The following CALR variants were observed in gnomAD, a reference collection of about 807,000 sequenced individuals.
CALR encodes CRP55.
Under a neutral mutation model 51.1 loss-of-function variants are expected in CALR, and 15 were observed. The observed-to-expected ratio is 0.29, with a 90% CI of 0.20 to 0.45. CALR has a LOEUF of 0.45. Among genes scored for constraint, CALR ranks in the 20% least tolerant of loss-of-function variants. CALR has a pLI of 1.00. For missense variants in CALR, 477 were observed against 530.6 expected (o/e 0.90, Z 0.99); for synonymous variants, 239 against 205.9 (o/e 1.16, Z -1.38).
Position 12,938,640 on chromosome 19 carries a change from G to T in CALR, c.-40G>T. 6.5e-7 allele frequency: 1 copy of T among 1,529,708 alleles called. No individual in the cohort carries two copies. Among genetic ancestry groups the T allele is most frequent in the Non-Finnish European group, 8.9e-7 (1 of 1,117,576 alleles). 94.8% of individuals were successfully genotyped at this position (1,529,708 alleles called of 1,614,324 possible). A position where few individuals can be genotyped will look rare whatever the true frequency, so the allele number is the denominator to read the frequency against. On this transcript the variant is annotated 5_prime_UTR_variant, in exon 1 of 9. Coordinates refer to ENST00000316448, the MANE Select transcript of CALR (RefSeq NM_004343.4). ...ACTGCAGAGCCGCTGCCGGAGGGTCGTTTTAAAGGGCCCGCGCGTTGCCGC... is the reference window on the plus strand; with the variant it reads ...ACTGCAGAGCCGCTGCCGGAGGGTCTTTTTAAAGGGCCCGCGCGTTGCCGC...
In CALR at chr19:12,939,394, G is replaced by A. The variant is rs781043883; in HGVS notation, c.194-34G>A. The A allele has an allele frequency of 5.6e-6, 9 of 1,606,532 alleles. 1 individual carries two copies. The South Asian group carries it at 9.9e-5, about 18-fold the overall frequency. On this transcript the variant is annotated intron_variant, in intron 2 of 8. Transcript: ENST00000316448. ...AAGTCGAGGGTCCTCGCGAGTCAAGGCCCAACGGTGACCTCACTACCGTCC... is the reference window on the plus strand; with the variant it reads ...AAGTCGAGGGTCCTCGCGAGTCAAGACCCAACGGTGACCTCACTACCGTCC...
At chr19:12,939,260 A>T in intron 2 of CALR, 25 bp downstream of exon 2, 1 of 1,532,434 alleles carries the variant, frequency 6.5e-7, no homozygotes. Flanking sequence ...GTGGGTGCTC[A>T]GATCCGGGAG....
At chr19:12,941,024 C>A in intron 7 of CALR, 137 bp downstream of exon 7, 2 of 831,878 alleles carry the variant, frequency 2.4e-6, no homozygotes, top group Non-Finnish European at 2.1e-6. Flanking sequence ...ACTTCCTGGT[C>A]TGTCCCTGTG....
chr19:12,939,704 T>A, intron 3 of CALR, 73 bp downstream of exon 3: 1 of 1,328,422 alleles, frequency 7.5e-7, no homozygotes, highest in Non-Finnish European at 1.1e-6. Flanking sequence ...TTGACTTTCT[T>A]AATAATGATT....
At chr19:12,943,286 G>T (rs1053682405) in intron 7 of CALR, 3 of 499,360 alleles carry the variant, frequency 6.0e-6, no homozygotes, top group Non-Finnish European at 7.3e-6. Context: ...GGGTTTCACC[G>T]TGTTAGCCAG....
At position 12,943,850 on chromosome 19, in the gene CALR, T is replaced by C. The variant is rs1037708390; in HGVS notation, c.1191T>C (p.Asp397=). The part of the protein sequence containing the change: ...DDEDKDEDEE[D]EEDKEEDEEE... ...AGGACAAAGATGAGGATGAGGAGGA[T>C]GAGGAGGACAAGGAGGAAGATGAGG... is the stretch of plus-strand genomic sequence containing the variant. Residue 397 remains aspartate, a synonymous_variant, in exon 9 of 9, where the codon GAT becomes GAC. Transcript: ENST00000316448. 39 of 1,580,406 alleles carry C rather than the reference T, an allele frequency of 2.5e-5. No homozygotes were observed. The African/African-American group carries it at 5.0e-4, about 20-fold the overall frequency.
At position 12,944,096 on chromosome 19, in the gene CALR, T is replaced by C. The variant is rs1971593059; in HGVS notation, c.*183T>C. On this transcript the variant is annotated 3_prime_UTR_variant, in exon 9 of 9. Coordinates refer to ENST00000316448, the MANE Select transcript of CALR (RefSeq NM_004343.4). ...CCCCACCCCCTCCCCGCCCTTTTTT[T>C]TTTTTTTTTTTAAACTGGTATTTTA... 2 of 944,806 alleles carry C rather than the reference T, an allele frequency of 2.1e-6. No individual in the cohort carries two copies. Among genetic ancestry groups the C allele is most frequent in the East Asian group, 5.3e-5 (2 of 37,800 alleles). 58.5% of individuals were successfully genotyped at this position (944,806 alleles called of 1,614,324 possible).
intron 3 of CALR, 27 bp downstream of exon 3, chr19:12,939,658 C>T: frequency 1.9e-6 from 3 of 1,587,790 alleles, no homozygotes; most frequent in Non-Finnish European, 2.6e-6. Context: ...TGGTGCTGAT[C>T]TCTGTCCCAT....
At position 12,944,116 on chromosome 19, in the gene CALR, AT is replaced by A; in HGVS notation, c.*207del. On this transcript the variant is annotated 3_prime_UTR_variant, in exon 9 of 9. Transcript: ENST00000316448. ...TTTTTTTTTTTTTTTTTAAACTGGT[AT>A]TTTATCTTTGATTCTCCTTCAGCCC... 3.4e-6 allele frequency: 2 copies of A among 589,738 alleles called. No homozygotes were observed. Among genetic ancestry groups the A allele is most frequent in the Non-Finnish European group, 5.0e-6 (2 of 399,230 alleles). 36.5% of individuals were successfully genotyped at this position (589,738 alleles called of 1,614,324 possible). A position where few individuals can be genotyped will look rare whatever the true frequency, so the allele number is the denominator to read the frequency against.
chr19:12,940,275 T>G lies in CALR; in HGVS notation c.525T>G (p.Ile175Met), dbSNP rs755463862. 1 of 1,614,190 alleles carries G rather than the reference T, an allele frequency of 6.2e-7. No individual in the cohort carries two copies. Among genetic ancestry groups the G allele is most frequent in the Non-Finnish European group, 8.5e-7 (1 of 1,180,040 alleles). Residue 175 changes from isoleucine (I) to methionine (M), a missense_variant, in exon 5 of 9, where the codon ATT becomes ATG. Physicochemically the swap from Ile to Met is conservative, Grantham distance 10. Transcript: ENST00000316448. ...AGTTTACACACCTGTACACACTGAT[T>G]GTGCGGCCAGACAACACCTATGAGG... ...DDEFTHLYTL[I>M]VRPDNTYEVK...
chr19:12,943,306 G>A (rs188191846), intron 7 of CALR: 30 of 553,598 alleles, frequency 5.4e-5, no homozygotes, highest in East Asian at 5.0e-4. Flanking sequence ...GGGTGGTCTC[G>A]ATCTCCTGAC....
intron 7 of CALR, among the ~76,000 whole-genome samples, chr19:12,942,748 C>T (rs1050155095): frequency 6.6e-6 from 1 of 151,422 alleles, no homozygotes; most frequent in Non-Finnish European, 1.5e-5. Context: ...GCATGCGCCA[C>T]GACGCTGGGC....
Position 12,939,500 on chromosome 19 carries a change from A to G in CALR, c.266A>G (p.Gln89Arg), listed in dbSNP as rs1193873308. The change falls in exon 3 of 9, where the codon CAG (glutamine) becomes CGG (arginine). Residue 89 changes from glutamine to arginine, a missense_variant. Physicochemically the swap from Gln to Arg is conservative, Grantham distance 43. Transcript: ENST00000316448. ...TTCGAGCCTTTCAGCAACAAAGGCC[A>G]GACGCTGGTGGTGCAGTTCACGGTG... ...ASFEPFSNKG[Q>R]TLVVQFTVKH... 1.9e-6 allele frequency: 3 copies of G among 1,613,256 alleles called. No homozygotes were observed. Among genetic ancestry groups the G allele is most frequent in the Non-Finnish European group, 1.7e-6 (2 of 1,180,034 alleles).
rs1350005255 is a variant in CALR at position 12,943,554 on chromosome 19, C to T, written c.978C>T (p.Ile326=). 1 of 1,614,140 alleles carries T rather than the reference C, an allele frequency of 6.2e-7. No individual in the cohort carries two copies. Among genetic ancestry groups the T allele is most frequent in the Admixed American group, 1.7e-5 (1 of 60,020 alleles). ...LDLWQVKSGT[I]FDNFLITNDE... ...TCCTCCAGGTCAAGTCTGGCACCAT[C>T]TTTGACAACTTCCTCATCACCAACG... The change falls in exon 8 of 9, where the codon ATC becomes ATT. Residue 326 remains isoleucine (I), a synonymous_variant. Coordinates refer to ENST00000316448, the MANE Select transcript of CALR (RefSeq NM_004343.4).
At chr19:12,942,720 G>A (rs946291840) in intron 7 of CALR, among the ~76,000 whole-genome samples, 20 of 149,992 alleles carry the variant, frequency 1.3e-4, no homozygotes, top group Non-Finnish European at 2.5e-4. Context: ...TCATCCTCTC[G>A]AGCAGCTGGA....
At position 12,939,522 on chromosome 19, in the gene CALR, G is replaced by A. The variant is rs778764542; in HGVS notation, c.288G>A (p.Thr96=). 1 of 1,613,564 alleles carries A rather than the reference G, an allele frequency of 6.2e-7. No homozygotes were observed. The highest frequency in any genetic ancestry group is 1.3e-5 in the African/African-American group (1 of 74,924). The change falls in exon 3 of 9, where the codon ACG becomes ACA. Residue 96 remains threonine (T), a synonymous_variant. Transcript: ENST00000316448. ...GCCAGACGCTGGTGGTGCAGTTCAC[G>A]GTGAAACATGAGCAGAACATCGACT... ...NKGQTLVVQF[T]VKHEQNIDCG...
chr19:12,942,441 C>T (rs1028670036), intron 7 of CALR, among the ~76,000 whole-genome samples: 6 of 151,502 alleles, frequency 4.0e-5, no homozygotes, highest in Middle Eastern at 3.2e-3. Flanking sequence ...ACAGTTCTGG[C>T]ATGTAGTAGG....
At position 12,938,646 on chromosome 19, in the gene CALR, A is replaced by G. The variant is rs777056556; in HGVS notation, c.-34A>G. The G allele has an allele frequency of 1.3e-6, 2 of 1,556,494 alleles. No individual in the cohort carries two copies. The highest frequency in any genetic ancestry group is 1.8e-6 in the Non-Finnish European group (2 of 1,139,534). ...GAGCCGCTGCCGGAGGGTCGTTTTA[A>G]AGGGCCCGCGCGTTGCCGCCCCCTC... On this transcript the variant is annotated 5_prime_UTR_variant, in exon 1 of 9. Coordinates refer to ENST00000316448, the MANE Select transcript of CALR (RefSeq NM_004343.4).
intron 6 of CALR, 35 bp from the exon 7 acceptor site, chr19:12,940,708 CT>C: frequency 1.2e-6 from 2 of 1,614,150 alleles, no homozygotes; most frequent in Non-Finnish European, 1.7e-6. Context: ...GTGCACCAAC[CT>C]TACTCACCCT....
Sources: allele counts gnomAD v4.1 joint callset (sites outside exome capture counted in the v4.1 genomes callset), GRCh38; gene constraint gnomAD v4.1.1; transcripts MANE v1.5; gene names NCBI Gene and HGNC (gene_info 2026-07-23, HGNC 2026-07-21).